Variants in UBE3A observed in about 807,000 individuals in gnomAD.
The protein encoded by UBE3A is ubiquitin protein ligase E3A.
A neutral mutation model predicts 83.4 loss-of-function variants in UBE3A; 6 were observed. The observed-to-expected ratio is 0.07, with a 90% confidence interval of 0.04 to 0.14. The LOEUF is 0.14. Ranked by LOEUF, UBE3A falls within the 10% of genes least tolerant of loss-of-function variation. The probability of loss-of-function intolerance (pLI) is 1.00; values close to 1 mark genes in which losing one functional copy is unlikely to be tolerated. For missense variants in UBE3A, 456 were observed against 1,036.1 expected, an observed-to-expected ratio of 0.44 and a Z score of 7.69; for synonymous variants, 337 against 355.4, an observed-to-expected ratio of 0.95 and a Z score of 0.58.
chr15:25,402,132 G>A (rs1315900849), intron 4 of UBE3A, among the ~76,000 whole-genome samples: 1 of 152,140 alleles, frequency 6.6e-6, no homozygotes, highest in Non-Finnish European at 1.5e-5. Context: ...TCATGTGTTG[G>A]CACCTGCACA....
At chr15:25,428,938 G>C (rs1479614364) in intron 1 of UBE3A, among the ~76,000 whole-genome samples, 2 of 152,046 alleles carry the variant, frequency 1.3e-5, no homozygotes, top group African/African-American at 4.8e-5. Context: ...ATTTATAATA[G>C]CAAAAAGAAA....
intron 7 of UBE3A, 38 bp from the exon 8 acceptor site, chr15:25,356,934 A>T (rs769052255): frequency 6.5e-7 from 1 of 1,538,786 alleles, no homozygotes; most frequent in African/African-American, 1.4e-5. Flanking sequence ...TTACTTTTGT[A>T]TTTTATTAAG....
intron 8 of UBE3A, 101 bp downstream of exon 8, chr15:25,356,590 C>T: frequency 8.4e-7 from 1 of 1,187,424 alleles, no homozygotes; most frequent in Non-Finnish European, 1.2e-6. Flanking sequence ...AGAGTATCAA[C>T]AAAGATTCTA....
chr15:25,401,162 C>T (rs1359674684), intron 4 of UBE3A, among the ~76,000 whole-genome samples: 1 of 152,128 alleles, frequency 6.6e-6, no homozygotes, highest in Non-Finnish European at 1.5e-5. Context: ...AGGTAAATCC[C>T]ATATGATCAC....
chr15:25,356,333 G>T, intron 8 of UBE3A, among the ~76,000 whole-genome samples: 4 of 151,846 alleles, frequency 2.6e-5, no homozygotes, highest in African/African-American at 4.8e-5. Flanking sequence ...GTCTCAAGGT[G>T]GGGGTGGGGG....
chr15:25,402,146 G>A (rs1050344614), intron 4 of UBE3A, among the ~76,000 whole-genome samples: 3 of 152,274 alleles, frequency 2.0e-5, no homozygotes, highest in Middle Eastern at 3.4e-3. Context: ...CTGCACATTT[G>A]AAGAAGCTGA....
intron 2 of UBE3A, among the ~76,000 whole-genome samples, chr15:25,410,542 C>T (rs142758020): frequency 6.6e-6 from 1 of 152,236 alleles, no homozygotes; most frequent in East Asian, 1.9e-4. Flanking sequence ...ATCCTCAAAG[C>T]AACAATAGTC....
At position 25,336,575 on chromosome 15, in the gene UBE3A, T is replaced by C. The variant is rs879845995; in HGVS notation, c.*2562A>G. 4 of 150,436 alleles carry C rather than the reference T, an allele frequency of 2.7e-5. No homozygotes were observed. The highest frequency in any genetic ancestry group is 2.0e-4 in the East Asian group (1 of 4,904). 9.3% of individuals were successfully genotyped at this position (150,436 alleles called of 1,614,324 possible). A position where few individuals can be genotyped will look rare whatever the true frequency, so the allele number is the denominator to read the frequency against. On this transcript the variant is annotated 3_prime_UTR_variant, in exon 13 of 13. Transcript: ENST00000648336. ...GATATGTATCTATCTATCTATCATCTCCCTATACAAGCAAGCATCCCCAAA... is the reference window on the plus strand; with the variant it reads ...GATATGTATCTATCTATCTATCATCCCCCTATACAAGCAAGCATCCCCAAA...
At chr15:25,412,017 G>A (rs1277802236) in intron 1 of UBE3A, 46 bp from the exon 2 acceptor site, 1 of 151,910 alleles carries the variant, frequency 6.6e-6, no homozygotes, top group Non-Finnish European at 1.5e-5. Context: ...ATAAACAACT[G>A]GATGAACTTT....
intron 11 of UBE3A, among the ~76,000 whole-genome samples, chr15:25,351,179 A>T (rs1347336968): frequency 6.6e-6 from 1 of 152,174 alleles, no homozygotes; most frequent in East Asian, 1.9e-4. Context: ...ATCGTATATG[A>T]TATGTACATA....
rs532966622 is a variant in UBE3A, at chr15:25,387,348, C to T, written c.63-11585G>A. Reference sequence around the variant, plus strand: ...CATCCTGGCTAACACAGTGAAACCCCGTCTCTACTAAAAATACAAAAAAAT... The same window carrying T: ...CATCCTGGCTAACACAGTGAAACCCTGTCTCTACTAAAAATACAAAAAAAT... On this transcript the variant is annotated intron_variant, in intron 4 of 12. Transcript: ENST00000648336. 1.6e-3 allele frequency among the ~76,000 whole-genome samples: 242 copies of T among 152,054 alleles called. 1 individual carries two copies. Among genetic ancestry groups the T allele is most frequent in the African/African-American group, 5.6e-3 (231 of 41,502 alleles).
chr15:25,341,879 T>G (rs1476013575), intron 11 of UBE3A, among the ~76,000 whole-genome samples: 1 of 151,506 alleles, frequency 6.6e-6, no homozygotes, highest in East Asian at 1.9e-4. Context: ...TATTCTAATA[T>G]CCCAACATAC....
chr15:25,383,768 T>G (rs957983702), intron 4 of UBE3A, among the ~76,000 whole-genome samples: 1 of 152,196 alleles, frequency 6.6e-6, no homozygotes, highest in Non-Finnish European at 1.5e-5. Flanking sequence ...GTTTTCCCTC[T>G]AAGATCACAA....
chr15:25,398,771 T>TATATA (rs2086218460), intron 4 of UBE3A, among the ~76,000 whole-genome samples: 8 of 68,952 alleles, frequency 1.2e-4, no homozygotes, highest in East Asian at 3.4e-4. Flanking sequence ...ATTCTTTTAT[T>TATATA]TATATATATA....
chr15:25,363,775 A>G (rs2078530792), intron 6 of UBE3A, among the ~76,000 whole-genome samples: 2 of 152,136 alleles, frequency 1.3e-5, no homozygotes, highest in Non-Finnish European at 2.9e-5. Context: ...TCAAATATAA[A>G]TATGTAAAAA....
rs2073863158 is a variant in UBE3A, at chr15:25,334,431, A to T, written c.*4706T>A. On this transcript the variant is annotated 3_prime_UTR_variant, in exon 13 of 13. Coordinates refer to ENST00000648336, the MANE Select transcript of UBE3A (RefSeq NM_130839.5). ...CTAAGCAAATGCAAAGACATCCCAC[A>T]GTCATGGAACAGAAAACCTAACACC... 6.6e-6 allele frequency: 1 copy of T among 152,182 alleles called. No homozygotes were observed. Among genetic ancestry groups the T allele is most frequent in the African/African-American group, 2.4e-5 (1 of 41,434 alleles). The allele number at this position is 152,182 out of a possible 1,614,324, so 9.4% of individuals were successfully genotyped here.
At chr15:25,391,023 A>G (rs529609277) in intron 4 of UBE3A, among the ~76,000 whole-genome samples, 1 of 152,280 alleles carries the variant, frequency 6.6e-6, no homozygotes, top group African/African-American at 2.4e-5. Context: ...TATATTAAAA[A>G]CAGGTTCTCA....
Position 25,370,760 on chromosome 15 carries a change from A to G in UBE3A, c.1414T>C (p.Phe472Leu). The G allele has an allele frequency of 6.2e-7, 1 of 1,614,106 alleles. No homozygotes were observed. Among genetic ancestry groups the G allele is most frequent in the Non-Finnish European group, 8.5e-7 (1 of 1,180,002 alleles). ...TFFKVETENK[F>L]SFMTCPFILN... Reference sequence around the variant, plus strand: ...ATAAAGGGACATGTCATAAAAGAGAATTTGTTCTCTGTTTCTACTTTGAAA... The same window carrying G: ...ATAAAGGGACATGTCATAAAAGAGAGTTTGTTCTCTGTTTCTACTTTGAAA... The change falls in exon 6 of 13, where the codon TTC becomes CTC. Residue 472 changes from phenylalanine (F) to leucine (L), a missense_variant. Phe to Leu is a conservative substitution (Grantham distance 22). Transcript: ENST00000648336. The surrounding 1 kb of genome is among the most constrained non-coding windows in gnomAD (Gnocchi z 4.2).
chr15:25,368,316 G>T (rs1364880675), intron 6 of UBE3A, among the ~76,000 whole-genome samples: 1 of 151,806 alleles, frequency 6.6e-6, no homozygotes, highest in Non-Finnish European at 1.5e-5. Context: ...AATTACACAG[G>T]TTATCAATTT....
Sources: gnomAD v4.1 joint callset for allele counts (sites outside exome capture counted in the v4.1 genomes callset) on GRCh38, gnomAD v4.1.1 for gene constraint, Gnocchi (gnomAD v3.1) non-coding constraint, MANE v1.5 for transcripts, NCBI Gene and HGNC (gene_info 2026-07-23, HGNC 2026-07-21) for gene names.